B3GALT1: variants seen among roughly 807,000 people sequenced by gnomAD.
B3GALT1 encodes the protein UDP-Gal:betaGlcNAc beta 1,3-galactosyltransferase, polypeptide 1.
A neutral mutation model predicts 23.2 loss-of-function variants in B3GALT1; 10 were observed. The observed-to-expected ratio is 0.43, with a 90% CI of 0.27 to 0.73. B3GALT1 has a LOEUF of 0.73. B3GALT1 is among the 30% of genes least tolerant of loss of function. B3GALT1 has a pLI of 0.21. For missense variants in B3GALT1, 299 were observed against 405.4 expected (o/e 0.74, Z 2.25); for synonymous variants, 156 against 141.5 (o/e 1.10, Z -0.73).
At chr2:167,824,810 AAAG>A (rs1310908720) in intron 4 of B3GALT1, among the ~76,000 whole-genome samples, 1 of 152,210 alleles carries the variant, frequency 6.6e-6, no homozygotes, top group Non-Finnish European at 1.5e-5. Flanking sequence ...GGGAACCATG[AAAG>A]AAGATCAGGG....
At chr2:167,776,521 G>A (rs991167151) in intron 3 of B3GALT1, among the ~76,000 whole-genome samples, 1 of 152,150 alleles carries the variant, frequency 6.6e-6, no homozygotes, top group Non-Finnish European at 1.5e-5. Flanking sequence ...GCGGAGTGCC[G>A]ACCCATGGCA....
At chr2:167,585,446 C>T (rs1684570554) in intron 2 of B3GALT1, among the ~76,000 whole-genome samples, 1 of 152,146 alleles carries the variant, frequency 6.6e-6, no homozygotes, top group Non-Finnish European at 1.5e-5. Context: ...CAAGAAGATG[C>T]TCACAGTCAT....
intron 2 of B3GALT1, among the ~76,000 whole-genome samples, chr2:167,589,829 C>A (rs1477155744): frequency 6.6e-6 from 1 of 151,956 alleles, no homozygotes; most frequent in Non-Finnish European, 1.5e-5. Context: ...ATTCTTATTT[C>A]ATTAGTATTG....
chr2:167,295,779 GTGTGTGTGTGTGTGTGTGTGTGTA>G (rs1033424766), intron 1 of B3GALT1, among the ~76,000 whole-genome samples: 1 of 150,142 alleles, frequency 6.7e-6, no homozygotes, highest in African/African-American at 2.5e-5. Context: ...GTGTGTGTGT[GTGTGTGTGTGTGTGTGTGTGTGTA>G]TGGAACTTTT....
chr2:167,521,903 A>G (rs909797467), intron 2 of B3GALT1, among the ~76,000 whole-genome samples: 1 of 150,382 alleles, frequency 6.6e-6, no homozygotes, highest in African/African-American at 2.4e-5. Context: ...TTAGAAAGAT[A>G]TATTGTAGAC....
chr2:167,773,337 C>T (rs1388906314), intron 3 of B3GALT1, among the ~76,000 whole-genome samples: 56 of 152,006 alleles, frequency 3.7e-4, no homozygotes, highest in Non-Finnish European at 1.6e-4. Flanking sequence ...GTTTAATTTA[C>T]CCTAATTTAC....
intron 1 of B3GALT1, among the ~76,000 whole-genome samples, chr2:167,474,678 ACCAAAGGTGCATC>A (rs1559108209): frequency 6.6e-6 from 1 of 152,190 alleles, no homozygotes; most frequent in Non-Finnish European, 1.5e-5. Context: ...TATCTCTGAC[ACCAAAGGTGCATC>A]GCAAGGTGAA....
At chr2:167,350,103 G>C (rs560382256) in intron 1 of B3GALT1, among the ~76,000 whole-genome samples, 4 of 152,166 alleles carry the variant, frequency 2.6e-5, no homozygotes, top group Admixed American at 2.6e-4. Flanking sequence ...GGATTTTTAT[G>C]TGTAATCTTT....
chr2:167,447,859 A>G (rs1372576046), intron 1 of B3GALT1, among the ~76,000 whole-genome samples: 1 of 152,058 alleles, frequency 6.6e-6, no homozygotes, highest in Non-Finnish European at 1.5e-5. Context: ...GGTGGGCTGC[A>G]TCCACTGTCT....
At chr2:167,563,993 A>C (rs1391162383) in intron 2 of B3GALT1, among the ~76,000 whole-genome samples, 4 of 129,200 alleles carry the variant, frequency 3.1e-5, no homozygotes, top group African/African-American at 1.2e-4. Flanking sequence ...AGCCGGCCGG[A>C]CGGGGGGCCG....
intron 1 of B3GALT1, among the ~76,000 whole-genome samples, chr2:167,410,225 C>T (rs1033375448): frequency 1.2e-4 from 18 of 151,956 alleles, no homozygotes; most frequent in South Asian, 8.3e-4. Flanking sequence ...GAGTTGTGGC[C>T]GGGTGCGGTG....
intron 1 of B3GALT1, among the ~76,000 whole-genome samples, chr2:167,412,912 A>T (rs1698412384): frequency 6.6e-6 from 1 of 152,138 alleles, no homozygotes; most frequent in African/African-American, 2.4e-5. Flanking sequence ...ATGAAATAAG[A>T]CACAAACTTA....
At chr2:167,828,258 C>T (rs1338714152) in intron 4 of B3GALT1, among the ~76,000 whole-genome samples, 1 of 152,220 alleles carries the variant, frequency 6.6e-6, no homozygotes, top group Non-Finnish European at 1.5e-5. Context: ...AATCCCCTGT[C>T]ACCAATTGAG....
chr2:167,747,430 A>G (rs1434593438), intron 3 of B3GALT1, among the ~76,000 whole-genome samples: 1 of 152,230 alleles, frequency 6.6e-6, no homozygotes, highest in African/African-American at 2.4e-5. Context: ...AATTAGGCTG[A>G]CAGCAATTTT....
intron 4 of B3GALT1, among the ~76,000 whole-genome samples, chr2:167,840,369 A>G (rs1689615293): frequency 6.6e-6 from 1 of 152,308 alleles, no homozygotes; most frequent in East Asian, 1.9e-4. Context: ...GGCAAAGGAC[A>G]TGAACAGACA....
intron 1 of B3GALT1, among the ~76,000 whole-genome samples, chr2:167,377,302 T>C (rs894766015): frequency 3.9e-5 from 6 of 152,242 alleles, no homozygotes; most frequent in Middle Eastern, 3.4e-3. Flanking sequence ...GAGAGGAATG[T>C]ATATTGTGGT....
At chr2:167,844,491 A>G (rs905996003) in intron 4 of B3GALT1, among the ~76,000 whole-genome samples, 6 of 152,198 alleles carry the variant, frequency 3.9e-5, no homozygotes, top group African/African-American at 1.4e-4. Context: ...TGGAGAAACT[A>G]AAGGTCTGTT....
At chr2:167,595,480 C>T (rs1684760173) in intron 2 of B3GALT1, among the ~76,000 whole-genome samples, 1 of 151,656 alleles carries the variant, frequency 6.6e-6, no homozygotes, top group South Asian at 2.1e-4. Context: ...ATTGTGCCTT[C>T]CTCCACATGT....
At chr2:167,633,536 T>C (rs1453588949) in intron 2 of B3GALT1, among the ~76,000 whole-genome samples, 2 of 151,388 alleles carry the variant, frequency 1.3e-5, no homozygotes, top group African/African-American at 4.8e-5. Flanking sequence ...GTTGCAATCC[T>C]AGTCTCTCAT....
Sources: gnomAD v4.1 joint callset for allele counts (sites outside exome capture counted in the v4.1 genomes callset) on GRCh38, gnomAD v4.1.1 for gene constraint, MANE v1.5 for transcripts, NCBI Gene and HGNC (gene_info 2026-07-23, HGNC 2026-07-21) for gene names.